The following CCDC171 variants were observed in gnomAD, a reference collection of about 807,000 sequenced individuals.
CCDC171 encodes coiled-coil domain containing 171.
In CCDC171, 177 loss-of-function variants were observed where a neutral mutation model predicts 168.2. That is an observed-to-expected ratio of 1.05 (90% CI 0.93 to 1.19). CCDC171 has a LOEUF of 1.19. Among genes scored for constraint, CCDC171 ranks in the 50% most tolerant of loss-of-function variants. The pLI, the probability that CCDC171 is intolerant of heterozygous loss-of-function variation, is 0.00. For synonymous variants in CCDC171, 687 were observed against 540.8 expected (o/e 1.27, Z -3.75); for missense variants, 1,991 against 1,539.0 (o/e 1.29, Z -4.91).
In CCDC171 at chr9:15,619,082, C is replaced by G. The variant is rs189394828; in HGVS notation, c.676-4185C>G. On this transcript the variant is annotated intron_variant, in intron 6 of 25. Coordinates refer to ENST00000380701, the MANE Select transcript of CCDC171 (RefSeq NM_173550.4). ...TTTATAAATATATGTGTTCTCACTACTCCTCTGTCCAGCCGTTCTTCCAAC... is the reference window on the plus strand; with the variant it reads ...TTTATAAATATATGTGTTCTCACTAGTCCTCTGTCCAGCCGTTCTTCCAAC... 3.7e-3 allele frequency among the ~76,000 whole-genome samples: 558 copies of G among 152,230 alleles called. 2 individuals carry two copies. The highest frequency in any genetic ancestry group is 0.01 in the Middle Eastern group (3 of 294).
intron 11 of CCDC171, among the ~76,000 whole-genome samples, chr9:15,696,241 G>T (rs2051204469): frequency 6.6e-6 from 1 of 152,230 alleles, no homozygotes; most frequent in East Asian, 1.9e-4. Flanking sequence ...GGAAGTTTTT[G>T]TCCTTGAAAA....
intron 3 of CCDC171, among the ~76,000 whole-genome samples, chr9:15,987,445 A>T (rs929520458): frequency 2.0e-5 from 3 of 152,182 alleles, no homozygotes; most frequent in Non-Finnish European, 2.9e-5. Flanking sequence ...AAAAAGCAAC[A>T]ATATTGTAAC....
rs548973899 is a variant in CCDC171, at chr9:15,982,309, C to A, written n.369-38280C>A. The stretch of plus-strand genomic sequence containing the variant: ...GTGAGAATTTAGAACCGTATTCACT[C>A]ACCAGCTGTGTGTCCTTAGGCAAGT... On this transcript the variant is annotated intron_variant and non_coding_transcript_variant, in intron 3 of 9. Transcript: ENST00000486641. 2.6e-5 allele frequency among the ~76,000 whole-genome samples: 4 copies of A among 152,276 alleles called. No homozygotes were observed. In the East Asian group the frequency reaches 7.7e-4, roughly 29 times the overall value.
chr9:15,876,905 G>GTGGTA (rs1249015432), intron 24 of CCDC171, among the ~76,000 whole-genome samples: 1 of 152,106 alleles, frequency 6.6e-6, no homozygotes, highest in African/African-American at 2.4e-5. Flanking sequence ...GCAGGGTGTG[G>GTGGTA]TGGTATATGA....
intron 24 of CCDC171, among the ~76,000 whole-genome samples, chr9:15,905,799 G>C (rs1822490886): frequency 6.6e-6 from 1 of 152,084 alleles, no homozygotes. Flanking sequence ...GAAGAAAAGA[G>C]AGAAGAATCA....
At chr9:15,781,119 A>G (rs2057644330) in intron 20 of CCDC171, among the ~76,000 whole-genome samples, 1 of 152,220 alleles carries the variant, frequency 6.6e-6, no homozygotes, top group Non-Finnish European at 1.5e-5. Flanking sequence ...TTCCTTACAT[A>G]TGTTGCTCCC....
intron 3 of CCDC171, among the ~76,000 whole-genome samples, chr9:16,020,051 T>C (rs1330185192): frequency 6.6e-6 from 1 of 152,236 alleles, no homozygotes; most frequent in Non-Finnish European, 1.5e-5. Flanking sequence ...TGAGTAGTAC[T>C]GACCTCTCTA....
At chr9:16,108,827 A>G in the CCDC171 span, among the ~76,000 whole-genome samples, 1 of 152,316 alleles carries the variant, frequency 6.6e-6, no homozygotes, top group East Asian at 1.9e-4. Flanking sequence ...AAGCCTCACC[A>G]GAAGCTGAAC....
chr9:15,625,650 G>A (rs2045013805), intron 7 of CCDC171, among the ~76,000 whole-genome samples: 1 of 151,998 alleles, frequency 6.6e-6, no homozygotes, highest in Non-Finnish European at 1.5e-5. Flanking sequence ...TATTTCTGAG[G>A]GCTCTGTTCT....
chr9:15,988,924 G>A (rs574518943), intron 3 of CCDC171, among the ~76,000 whole-genome samples: 146 of 152,278 alleles, frequency 9.6e-4, no homozygotes, highest in African/African-American at 3.2e-3. Flanking sequence ...TAAACAAAGC[G>A]GCCGGGAAGC....
chr9:16,015,094 T>C (rs1832974953), intron 3 of CCDC171, among the ~76,000 whole-genome samples: 1 of 152,142 alleles, frequency 6.6e-6, no homozygotes, highest in Non-Finnish European at 1.5e-5. Flanking sequence ...TGTGCACATG[T>C]ACCCTAAAAC....
chr9:15,848,529 A>G (rs2060996718), intron 22 of CCDC171, among the ~76,000 whole-genome samples: 1 of 151,912 alleles, frequency 6.6e-6, no homozygotes, highest in Non-Finnish European at 1.5e-5. Flanking sequence ...TAGAAATAAA[A>G]GAATAAAGTT....
chr9:15,996,417 C>CTTTTTT (rs34798326), intron 3 of CCDC171, among the ~76,000 whole-genome samples: 11 of 64,576 alleles, frequency 1.7e-4, no homozygotes, highest in African/African-American at 3.9e-4. Flanking sequence ...CTAGGAGGCT[C>CTTTTTT]TTTTTTTTTT....
intron 18 of CCDC171, among the ~76,000 whole-genome samples, chr9:15,753,836 T>C (rs1274557828): frequency 6.6e-6 from 1 of 152,154 alleles, no homozygotes; most frequent in Non-Finnish European, 1.5e-5. Context: ...TGTATCACAG[T>C]CATGAGGAAT....
intron 7 of CCDC171, among the ~76,000 whole-genome samples, chr9:15,654,035 C>G (rs2047732776): frequency 6.6e-6 from 1 of 152,140 alleles, no homozygotes; most frequent in African/African-American, 2.4e-5. Flanking sequence ...TCAGACAAAA[C>G]TGTGAATATT....
At position 15,616,887 on chromosome 9, in the gene CCDC171, G is replaced by C. The variant is rs541718947; in HGVS notation, c.676-6380G>C. Among the ~76,000 whole-genome samples the C allele has an allele frequency of 5.3e-5, 8 of 152,224 alleles. No individual in the cohort carries two copies. The South Asian group carries it at 1.2e-3, about 24-fold the overall frequency. On this transcript the variant is annotated intron_variant, in intron 6 of 25. Transcript: ENST00000380701. ...TGCTATGAAGAAATACTTGAGACTG[G>C]GTAATTTATAAAGGAAAGAGATTTA...
chr9:15,932,514 G>A (rs1242675748), intron 25 of CCDC171, among the ~76,000 whole-genome samples: 1 of 151,816 alleles, frequency 6.6e-6, no homozygotes, highest in African/African-American at 2.4e-5. Flanking sequence ...TTTTGGTGCA[G>A]TTTTTGGGGT....
chr9:15,941,187 AT>A (rs1827685577), intron 25 of CCDC171, among the ~76,000 whole-genome samples: 2 of 151,952 alleles, frequency 1.3e-5, no homozygotes, highest in Non-Finnish European at 2.9e-5. Context: ...TTCAGTTTCT[AT>A]TTTTTAGAAT....
the CCDC171 span, among the ~76,000 whole-genome samples, chr9:16,069,072 G>A: frequency 2.6e-5 from 4 of 152,188 alleles, no homozygotes; most frequent in African/African-American, 4.8e-5. Flanking sequence ...AAGCACATGA[G>A]GTGGACTTCC....
Sources: allele counts gnomAD v4.1 joint callset (sites outside exome capture counted in the v4.1 genomes callset), GRCh38; gene constraint gnomAD v4.1.1; transcripts MANE v1.5; gene names NCBI Gene and HGNC (gene_info 2026-07-23, HGNC 2026-07-21).